KCND2: variants seen among roughly 807,000 people sequenced by gnomAD.
KCND2 encodes the protein potassium voltage-gated channel subfamily D member 2.
Under a neutral mutation model 54.4 loss-of-function variants are expected in KCND2, and 16 were observed. That is an observed-to-expected ratio of 0.29 (90% CI 0.20 to 0.45). The LOEUF (loss-of-function observed/expected upper bound fraction) is 0.45. KCND2 is among the 20% of genes least tolerant of loss of function. The probability of loss-of-function intolerance (pLI) is 1.00; values close to 1 mark genes in which losing one functional copy is unlikely to be tolerated. For synonymous variants in KCND2, 317 were observed against 310.7 expected, an observed-to-expected ratio of 1.02 and a Z score of -0.21; for missense variants, 486 against 824.2, an observed-to-expected ratio of 0.59 and a Z score of 5.02.
intron 1 of KCND2, among the ~76,000 whole-genome samples, chr7:120,669,880 G>A (rs549892578): frequency 2.0e-5 from 3 of 152,180 alleles, no homozygotes; most frequent in African/African-American, 7.2e-5. Context: ...AATAATAAAG[G>A]CTAGAGGGAG....
At chr7:120,660,184 G>A (rs1328823926) in intron 1 of KCND2, among the ~76,000 whole-genome samples, 1 of 152,066 alleles carries the variant, frequency 6.6e-6, no homozygotes. Flanking sequence ...TTTAAACTTG[G>A]TAACTGATGT....
intron 1 of KCND2, among the ~76,000 whole-genome samples, chr7:120,484,721 ACACAC>A (rs1802668486): frequency 6.6e-6 from 1 of 151,826 alleles, no homozygotes; most frequent in Non-Finnish European, 1.5e-5. Flanking sequence ...ACACACACAC[ACACAC>A]ACACACAAAG....
At chr7:120,631,362 C>G (rs1793231434) in intron 1 of KCND2, among the ~76,000 whole-genome samples, 1 of 151,958 alleles carries the variant, frequency 6.6e-6, no homozygotes, top group Non-Finnish European at 1.5e-5. Flanking sequence ...ATAATCAAAG[C>G]TAGTATCTAA....
intron 1 of KCND2, among the ~76,000 whole-genome samples, chr7:120,428,610 C>G (rs903854177): frequency 6.6e-6 from 1 of 152,098 alleles, no homozygotes; most frequent in Non-Finnish European, 1.5e-5. Context: ...GATTACAAAG[C>G]TTTAACTTAT....
At chr7:120,676,799 A>T (rs527591650) in intron 1 of KCND2, among the ~76,000 whole-genome samples, 1 of 152,312 alleles carries the variant, frequency 6.6e-6, no homozygotes, top group Non-Finnish European at 1.5e-5. Context: ...AAATGTAATG[A>T]CCAAAATGCT....
At chr7:120,377,284 T>C (rs1404461940) in intron 1 of KCND2, among the ~76,000 whole-genome samples, 1 of 151,972 alleles carries the variant, frequency 6.6e-6, no homozygotes, top group Non-Finnish European at 1.5e-5. Flanking sequence ...CTCAAGTATT[T>C]ATCTTAGAAT....
chr7:120,302,434 G>T (rs143544021), intron 1 of KCND2, among the ~76,000 whole-genome samples: 1 of 152,078 alleles, frequency 6.6e-6, no homozygotes, highest in Non-Finnish European at 1.5e-5. Context: ...TAATTTCTCT[G>T]TATTTTTTGA....
chr7:120,653,419 C>T (rs1296333186), intron 1 of KCND2, among the ~76,000 whole-genome samples: 1 of 152,108 alleles, frequency 6.6e-6, no homozygotes, highest in Non-Finnish European at 1.5e-5. Flanking sequence ...GAAACCAAAT[C>T]TTAGCAACTC....
At chr7:120,635,393 T>G (rs1266851178) in intron 1 of KCND2, among the ~76,000 whole-genome samples, 1 of 152,224 alleles carries the variant, frequency 6.6e-6, no homozygotes, top group Non-Finnish European at 1.5e-5. Context: ...TCAACTATGT[T>G]GGAATTTCAT....
intron 4 of KCND2, among the ~76,000 whole-genome samples, chr7:120,743,312 T>C (rs1365304719): frequency 2.6e-5 from 4 of 152,158 alleles, no homozygotes; most frequent in Non-Finnish European, 5.9e-5. Flanking sequence ...GGGTGACACA[T>C]GATTTGTATT....
chr7:120,431,311 C>A lies in KCND2; in HGVS notation c.1115+155564C>A, dbSNP rs200717172. ...TACACAGAAATGAGCAAAACAAATG[C>A]AGCCCATGCCTTAACGTAGCCTATG... On this transcript the variant is annotated intron_variant, in intron 1 of 5. Transcript: ENST00000331113. Among the ~76,000 whole-genome samples, 4 of 152,318 alleles carry A rather than the reference C, an allele frequency of 2.6e-5. No homozygotes were observed. The East Asian group carries it at 7.7e-4, about 29-fold the overall frequency.
At chr7:120,514,444 A>T (rs1803166990) in intron 1 of KCND2, among the ~76,000 whole-genome samples, 1 of 152,162 alleles carries the variant, frequency 6.6e-6, no homozygotes, top group South Asian at 2.1e-4. Flanking sequence ...TACACGTCAC[A>T]CTAAGCCCAG....
At chr7:120,408,142 G>T (rs796306028) in intron 1 of KCND2, among the ~76,000 whole-genome samples, 7 of 151,962 alleles carry the variant, frequency 4.6e-5, no homozygotes, top group African/African-American at 1.7e-4. Flanking sequence ...ATGATTGAAG[G>T]GATGCGAAGG....
intron 1 of KCND2, among the ~76,000 whole-genome samples, chr7:120,636,228 T>C (rs2116522623): frequency 6.6e-6 from 1 of 152,196 alleles, no homozygotes; most frequent in South Asian, 2.1e-4. Flanking sequence ...CTAAAAAAAC[T>C]CAGTTTGTGG....
intron 1 of KCND2, among the ~76,000 whole-genome samples, chr7:120,335,468 CTTA>C (rs1554428369): frequency 9.0e-6 from 1 of 110,624 alleles, no homozygotes; most frequent in African/African-American, 4.3e-5. Flanking sequence ...TACTTACTTA[CTTA>C]TTTATTTATT....
At chr7:120,582,531 C>T (rs536967055) in intron 1 of KCND2, among the ~76,000 whole-genome samples, 1 of 152,218 alleles carries the variant, frequency 6.6e-6, no homozygotes, top group African/African-American at 2.4e-5. Flanking sequence ...GCTCACACCA[C>T]ACCTTAGATT....
intron 1 of KCND2, among the ~76,000 whole-genome samples, chr7:120,673,152 T>C (rs1792015775): frequency 1.3e-5 from 2 of 152,032 alleles, no homozygotes; most frequent in Non-Finnish European, 2.9e-5. Flanking sequence ...GAAACCAAAC[T>C]TGCCAACACC....
chr7:120,688,440 C>A (rs1792230827), intron 1 of KCND2, among the ~76,000 whole-genome samples: 1 of 152,140 alleles, frequency 6.6e-6, no homozygotes, highest in South Asian at 2.1e-4. Flanking sequence ...AAGAATCCTT[C>A]TTAGTTTTCA....
intron 1 of KCND2, among the ~76,000 whole-genome samples, chr7:120,288,827 G>A (rs566623699): frequency 6.6e-6 from 1 of 152,084 alleles, no homozygotes; most frequent in Non-Finnish European, 1.5e-5. Context: ...ATAACTTCAT[G>A]CAAACCCAAA....
Sources: allele counts gnomAD v4.1 joint callset (sites outside exome capture counted in the v4.1 genomes callset), GRCh38; gene constraint gnomAD v4.1.1; transcripts MANE v1.5; gene names NCBI Gene and HGNC (gene_info 2026-07-23, HGNC 2026-07-21).